Variants in SGIP1 observed in about 807,000 individuals in gnomAD.
SGIP1 encodes the protein SH3-containing GRB2-like protein 3-interacting protein 1.
In SGIP1, 38 loss-of-function variants were observed where a neutral mutation model predicts 107.5. The observed-to-expected ratio is 0.35, with a 90% CI of 0.27 to 0.46. The LOEUF is 0.46. SGIP1 is among the 20% of genes least tolerant of loss of function. The pLI is 1.00. For missense variants in SGIP1, 929 were observed against 1,019.5 expected, an observed-to-expected ratio of 0.91 and a Z score of 1.21; for synonymous variants, 365 against 366.1, an observed-to-expected ratio of 1.00 and a Z score of 0.03.
intron 15 of SGIP1, among the ~76,000 whole-genome samples, chr1:66,685,868 A>G (rs1451983627): frequency 2.0e-5 from 3 of 152,252 alleles, no homozygotes; most frequent in South Asian, 4.1e-4. Context: ...AGACAGCTCT[A>G]TTAGTAATGT....
intron 19 of SGIP1, among the ~76,000 whole-genome samples, chr1:66,720,933 G>A (rs200576226): frequency 5.9e-5 from 9 of 152,060 alleles, no homozygotes; most frequent in East Asian, 5.8e-4. Context: ...CGTAAAACTC[G>A]AAATCTAACA....
intron 7 of SGIP1, among the ~76,000 whole-genome samples, chr1:66,658,061 G>T (rs1051417288): frequency 6.6e-6 from 1 of 152,108 alleles, no homozygotes. Flanking sequence ...AATATATGCG[G>T]TAGCCTGAGG....
At chr1:66,628,923 G>A (rs952360037) in intron 2 of SGIP1, among the ~76,000 whole-genome samples, 1 of 152,150 alleles carries the variant, frequency 6.6e-6, no homozygotes, top group Non-Finnish European at 1.5e-5. Flanking sequence ...CATCAGTGAT[G>A]GTCAAAGGAC....
rs773628491 is a variant in SGIP1, at chr1:66,643,581, G to GGAA, written c.334_336dup (p.Glu112dup). ...AGCACTTTTATTCTTCAAGTGAATCGGAAGAAGAAGAAGAATCACATAAGA... is the reference window on the plus strand; with the variant it reads ...AGCACTTTTATTCTTCAAGTGAATCGGAAGAAGAAGAAGAAGAATCACATAAGA... On this transcript the variant is annotated inframe_insertion, in exon 7 of 25. Transcript: ENST00000371037. 6.2e-7 allele frequency: 1 copy of GGAA among 1,608,108 alleles called. No homozygotes were observed. Among genetic ancestry groups the GGAA allele is most frequent in the Non-Finnish European group, 8.5e-7 (1 of 1,177,260 alleles).
chr1:66,684,208 A>G, intron 15 of SGIP1: 1 of 1,550,576 alleles, frequency 6.4e-7, no homozygotes, highest in Non-Finnish European at 8.7e-7. Flanking sequence ...GCTGGAGCCT[A>G]TGTTGTTAAC....
Position 66,663,030 on chromosome 1 carries a change from C to G in SGIP1, c.471+2506C>G, listed in dbSNP as rs545674552. Among the ~76,000 whole-genome samples the G allele has an allele frequency of 4.6e-5, 7 of 152,052 alleles. No homozygotes were observed. In the South Asian group the frequency reaches 1.2e-3, roughly 27 times the overall value. ...TTTTGTTTGGTTGTGCAGTTAAAAA[C>G]GATTTTAGCCCACATTTCAAAACTA... On this transcript the variant is annotated intron_variant, in intron 8 of 24. Coordinates refer to ENST00000371037, the MANE Select transcript of SGIP1 (RefSeq NM_032291.4).
intron 7 of SGIP1, chr1:66,660,149 A>AAGAAAGAAAG (rs2080989485): frequency 5.7e-5 from 1 of 17,572 alleles, no homozygotes; most frequent in Admixed American, 8.2e-4. Flanking sequence ...AGAAGAGAGA[A>AAGAAAGAAAG]AGAAAGAAAG....
intron 1 of SGIP1, among the ~76,000 whole-genome samples, chr1:66,592,897 C>CTTTTTTTTTTTTTTTTTTTTTTTTTTTTT (rs35762612): frequency 1.8e-5 from 1 of 56,340 alleles, no homozygotes; most frequent in African/African-American, 8.6e-5. Context: ...TCTTCTTCTT[C>CTTTTTTTTTTTTTTTTTTTTTTTTTTTTT]TTTTTTTTTT....
chr1:66,721,256 C>T (rs991733690), intron 19 of SGIP1, among the ~76,000 whole-genome samples: 2 of 152,140 alleles, frequency 1.3e-5, no homozygotes, highest in Non-Finnish European at 2.9e-5. Context: ...TTTATTCATA[C>T]GTATTTGTTC....
intron 7 of SGIP1, among the ~76,000 whole-genome samples, chr1:66,650,307 A>G (rs11208936): frequency 0.012 from 1,902 of 152,302 alleles, 35 homozygotes; most frequent in African/African-American, 0.044. Context: ...GAAGGCTAAC[A>G]TTCACAATGG....
At chr1:66,726,628 C>T (rs1016227081) in intron 19 of SGIP1, among the ~76,000 whole-genome samples, 8 of 152,084 alleles carry the variant, frequency 5.3e-5, no homozygotes, top group Non-Finnish European at 7.4e-5. Context: ...CAAGGTAATT[C>T]GGTGGAGAAA....
rs1243649688 is a variant in SGIP1, at chr1:66,725,392, C to T, written c.1743-3872C>T. ...AATATCCAAGGTGACTGTAGGACAA[C>T]GTGGAGTCTCCATGCTCCAATGTGA... On this transcript the variant is annotated intron_variant, in intron 19 of 24. Coordinates refer to ENST00000371037, the MANE Select transcript of SGIP1 (RefSeq NM_032291.4). 2.6e-5 allele frequency among the ~76,000 whole-genome samples: 4 copies of T among 152,174 alleles called. No homozygotes were observed. The South Asian group carries it at 6.2e-4, about 24-fold the overall frequency.
At chr1:66,596,881 A>T (rs528735454) in intron 1 of SGIP1, among the ~76,000 whole-genome samples, 35 of 152,278 alleles carry the variant, frequency 2.3e-4, no homozygotes, top group African/African-American at 7.7e-4. Context: ...AGTATCAAAT[A>T]AAGGCAATTA....
chr1:66,719,435 T>C, intron 19 of SGIP1, 30 bp downstream of exon 19: 2 of 1,569,062 alleles, frequency 1.3e-6, no homozygotes, highest in African/African-American at 1.4e-5. Flanking sequence ...CATTGTACTT[T>C]CTGAGTTCTG....
chr1:66,655,076 C>CA (rs1361653496), intron 7 of SGIP1, among the ~76,000 whole-genome samples: 5 of 152,120 alleles, frequency 3.3e-5, no homozygotes, highest in Admixed American at 3.3e-4. Context: ...TTTTTTCATC[C>CA]ATGCCTCTTC....
chr1:66,727,843 C>T (rs902977964), intron 19 of SGIP1, among the ~76,000 whole-genome samples: 1 of 152,090 alleles, frequency 6.6e-6, no homozygotes. Flanking sequence ...AGCATATTAA[C>T]TCTTGCCTAG....
At chr1:66,685,111 T>A (rs1357441494) in intron 15 of SGIP1, among the ~76,000 whole-genome samples, 1 of 152,226 alleles carries the variant, frequency 6.6e-6, no homozygotes, top group East Asian at 1.9e-4. Context: ...TATGGCCTCA[T>A]GTTTTAAAGA....
At chr1:66,586,582 C>T (rs1250659947) in intron 1 of SGIP1, among the ~76,000 whole-genome samples, 1 of 151,970 alleles carries the variant, frequency 6.6e-6, no homozygotes, top group Non-Finnish European at 1.5e-5. Flanking sequence ...AAGTATAAAA[C>T]CTTACTTTCC....
chr1:66,541,960 A>G (rs545766905), intron 1 of SGIP1, among the ~76,000 whole-genome samples: 17 of 152,172 alleles, frequency 1.1e-4, no homozygotes, highest in Non-Finnish European at 2.2e-4. Context: ...ATTAGCATGT[A>G]CATATTTTAT....
Sources: gnomAD v4.1 joint callset for allele counts (sites outside exome capture counted in the v4.1 genomes callset) on GRCh38, gnomAD v4.1.1 for gene constraint, MANE v1.5 for transcripts, NCBI Gene and HGNC (gene_info 2026-07-23, HGNC 2026-07-21) for gene names.